MAML2: variants seen among roughly 807,000 people sequenced by gnomAD.
The protein encoded by MAML2 is mastermind-like protein 2.
In MAML2, 22 loss-of-function variants were observed where a neutral mutation model predicts 96.1. That is an observed-to-expected ratio of 0.23 (90% CI 0.16 to 0.33). The LOEUF (loss-of-function observed/expected upper bound fraction) is 0.33, where lower values mean the gene tolerates loss of function less well. Ranked by LOEUF, MAML2 falls within the 10% of genes least tolerant of loss-of-function variation. MAML2 has a pLI of 1.00. For missense variants in MAML2, 1,367 were observed against 1,392.4 expected (o/e 0.98, Z 0.29); for synonymous variants, 561 against 521.3 (o/e 1.08, Z -1.04).
At chr11:96,123,043 TC>T (rs1860377432) in intron 1 of MAML2, among the ~76,000 whole-genome samples, 1 of 152,228 alleles carries the variant, frequency 6.6e-6, no homozygotes, top group Non-Finnish European at 1.5e-5. Context: ...AGTCCAGCCT[TC>T]TACTCCTGGA....
At chr11:96,322,117 A>C (rs1025543599) in intron 1 of MAML2, among the ~76,000 whole-genome samples, 2 of 152,192 alleles carry the variant, frequency 1.3e-5, no homozygotes, top group Non-Finnish European at 2.9e-5. Flanking sequence ...CCAAAATATG[A>C]ACTCTAGCAG....
chr11:96,228,534 G>A (rs1267398936), intron 1 of MAML2, among the ~76,000 whole-genome samples: 2 of 152,134 alleles, frequency 1.3e-5, no homozygotes, highest in Non-Finnish European at 2.9e-5. Context: ...CTAATGGAGT[G>A]CCTGGCTAAA....
intron 1 of MAML2, among the ~76,000 whole-genome samples, chr11:96,303,499 C>T (rs1181127805): frequency 1.3e-5 from 2 of 152,056 alleles, no homozygotes; most frequent in African/African-American, 4.8e-5. Context: ...TATACTGAAA[C>T]CATATACAAA....
At chr11:96,113,472 T>C (rs1301840490) in intron 1 of MAML2, among the ~76,000 whole-genome samples, 1 of 152,088 alleles carries the variant, frequency 6.6e-6, no homozygotes, top group Non-Finnish European at 1.5e-5. Context: ...CAATTTAACT[T>C]TTATTTTAGT....
intron 1 of MAML2, among the ~76,000 whole-genome samples, chr11:96,122,105 C>G (rs1042247808): frequency 6.6e-6 from 1 of 151,666 alleles, no homozygotes; most frequent in Non-Finnish European, 1.5e-5. Context: ...CCACCCCGCC[C>G]GGCCCCTGTC....
chr11:96,316,674 C>A (rs919525583), intron 1 of MAML2, among the ~76,000 whole-genome samples: 16 of 152,238 alleles, frequency 1.1e-4, no homozygotes, highest in Non-Finnish European at 2.2e-4. Context: ...CGTAAGGGGC[C>A]TGGATTTTAT....
At chr11:96,191,040 G>T (rs761447216) in intron 1 of MAML2, among the ~76,000 whole-genome samples, 1 of 152,272 alleles carries the variant, frequency 6.6e-6, no homozygotes, top group Non-Finnish European at 1.5e-5. Context: ...AAGGAGGATT[G>T]CCAAACTGAT....
chr11:96,034,200 AG>A (rs1565195151), intron 2 of MAML2, among the ~76,000 whole-genome samples: 3 of 152,318 alleles, frequency 2.0e-5, no homozygotes, highest in African/African-American at 7.2e-5. Context: ...AAAACATTGT[AG>A]TACTTTAGGT....
At chr11:96,163,934 C>T (rs925352239) in intron 1 of MAML2, among the ~76,000 whole-genome samples, 3 of 146,592 alleles carry the variant, frequency 2.0e-5, no homozygotes, top group Admixed American at 6.9e-5. Flanking sequence ...GTGATCTCGG[C>T]TCACTGCAAC....
chr11:96,308,052 G>C (rs1162799224), intron 1 of MAML2, among the ~76,000 whole-genome samples: 1 of 152,104 alleles, frequency 6.6e-6, no homozygotes, highest in African/African-American at 2.4e-5. Context: ...GAAGATTCTG[G>C]CTTCTTTACA....
intron 1 of MAML2, among the ~76,000 whole-genome samples, chr11:96,326,002 A>G (rs1018596567): frequency 6.6e-6 from 1 of 151,854 alleles, no homozygotes; most frequent in Non-Finnish European, 1.5e-5. Flanking sequence ...TCAATCTCCA[A>G]TTAGCCATAT....
intron 1 of MAML2, among the ~76,000 whole-genome samples, chr11:96,215,783 C>A (rs2135942311): frequency 6.6e-6 from 1 of 152,238 alleles, no homozygotes; most frequent in East Asian, 1.9e-4. Context: ...GTTGTTCCCT[C>A]TCTTTAACCC....
At chr11:96,245,705 AT>A (rs59597889) in intron 1 of MAML2, among the ~76,000 whole-genome samples, 6,168 of 136,898 alleles carry the variant, frequency 0.045, 377 homozygotes, top group African/African-American at 0.14. Context: ...CCCATACCTA[AT>A]TTTTTTTTTT....
chr11:96,174,672 C>T (rs1377640187), intron 1 of MAML2, among the ~76,000 whole-genome samples: 2 of 152,228 alleles, frequency 1.3e-5, no homozygotes, highest in Admixed American at 1.3e-4. Context: ...GTGTGAACCC[C>T]ACACCCAGCC....
At chr11:96,252,895 C>A (rs1862605417) in intron 1 of MAML2, among the ~76,000 whole-genome samples, 1 of 152,170 alleles carries the variant, frequency 6.6e-6, no homozygotes, top group South Asian at 2.1e-4. Flanking sequence ...CGAAGAACTG[C>A]ATAAAGTCCC....
At chr11:96,249,722 G>A (rs2135965870) in intron 1 of MAML2, among the ~76,000 whole-genome samples, 1 of 152,100 alleles carries the variant, frequency 6.6e-6, no homozygotes, top group South Asian at 2.1e-4. Context: ...CTACTAGCTT[G>A]CTAGTAGCTA....
intron 1 of MAML2, among the ~76,000 whole-genome samples, chr11:96,294,138 A>G (rs1863253811): frequency 6.6e-6 from 1 of 152,196 alleles, no homozygotes; most frequent in South Asian, 2.1e-4. Context: ...CTTTGCCCCA[A>G]AGCAGTTCTG....
chr11:96,005,962 T>C (rs762020926), intron 2 of MAML2, among the ~76,000 whole-genome samples: 1 of 151,732 alleles, frequency 6.6e-6, no homozygotes, highest in African/African-American at 2.4e-5. Flanking sequence ...TTATTACAGG[T>C]TGTCTATTAG....
chr11:96,285,898 T>C (rs905736357), intron 1 of MAML2, among the ~76,000 whole-genome samples: 1 of 152,188 alleles, frequency 6.6e-6, no homozygotes, highest in African/African-American at 2.4e-5. Flanking sequence ...AGTTCAACCA[T>C]TGTGGAAGAG....
Sources: allele counts gnomAD v4.1 joint callset (sites outside exome capture counted in the v4.1 genomes callset), GRCh38; gene constraint gnomAD v4.1.1; transcripts MANE v1.5; gene names NCBI Gene and HGNC (gene_info 2026-07-23, HGNC 2026-07-21).